Variants in ADGRB3 observed in about 807,000 individuals in gnomAD.
The protein encoded by ADGRB3 is brain-specific angiogenesis inhibitor 3.
A neutral mutation model predicts 193.4 loss-of-function variants in ADGRB3; 37 were observed. The ratio of observed to expected loss-of-function variants is 0.19; its 90% CI spans 0.15 to 0.25. The LOEUF is 0.25. Ranked by LOEUF, ADGRB3 falls within the 10% of genes least tolerant of loss-of-function variation. ADGRB3 has a pLI of 1.00. For synonymous variants in ADGRB3, 690 were observed against 644.2 expected (o/e 1.07, Z -1.08); for missense variants, 1,637 against 1,852.9 (o/e 0.88, Z 2.14).
chr6:69,080,455 A>T (rs1057497896), intron 17 of ADGRB3, among the ~76,000 whole-genome samples: 1 of 152,016 alleles, frequency 6.6e-6, no homozygotes, highest in Admixed American at 6.6e-5. Flanking sequence ...ACAGAAAATA[A>T]TCTTCTTATA....
chr6:68,750,215 A>C (rs751047035), intron 3 of ADGRB3, among the ~76,000 whole-genome samples: 11 of 152,228 alleles, frequency 7.2e-5, no homozygotes, highest in Non-Finnish European at 1.3e-4. Context: ...GTTAGTATTA[A>C]ATCACAAGCT....
At chr6:68,773,650 A>G (rs1347363733) in intron 3 of ADGRB3, among the ~76,000 whole-genome samples, 1 of 152,188 alleles carries the variant, frequency 6.6e-6, no homozygotes, top group African/African-American at 2.4e-5. Context: ...GGTAGTTACA[A>G]ATACTGTGTA....
intron 17 of ADGRB3, among the ~76,000 whole-genome samples, chr6:69,131,023 C>A (rs1217024225): frequency 2.6e-5 from 4 of 151,746 alleles, no homozygotes; most frequent in Non-Finnish European, 5.9e-5. Flanking sequence ...AAGTTAAGAA[C>A]CACTAAAACA....
intron 17 of ADGRB3, among the ~76,000 whole-genome samples, chr6:69,168,622 A>C (rs1775190681): frequency 6.6e-6 from 1 of 152,128 alleles, no homozygotes; most frequent in Non-Finnish European, 1.5e-5. Flanking sequence ...TATGGCTTAT[A>C]GTGGGTATGA....
intron 20 of ADGRB3, among the ~76,000 whole-genome samples, chr6:69,320,981 A>G (rs1401742531): frequency 6.6e-6 from 1 of 151,688 alleles, no homozygotes; most frequent in East Asian, 1.9e-4. Context: ...ACTTTTAAAT[A>G]GACTTCAGAA....
intron 17 of ADGRB3, among the ~76,000 whole-genome samples, chr6:69,175,036 AT>A (rs947999680): frequency 1.4e-4 from 22 of 151,818 alleles, no homozygotes; most frequent in Non-Finnish European, 2.8e-4. Context: ...CTTTGTGAGT[AT>A]TTTTTTTCCA....
At chr6:68,872,172 A>T (rs1765479779) in intron 3 of ADGRB3, among the ~76,000 whole-genome samples, 1 of 152,148 alleles carries the variant, frequency 6.6e-6, no homozygotes, top group African/African-American at 2.4e-5. Flanking sequence ...TTGTACAGGC[A>T]ATGTTTACAG....
chr6:68,995,565 G>A (rs1028394306), intron 11 of ADGRB3, among the ~76,000 whole-genome samples: 1 of 152,146 alleles, frequency 6.6e-6, no homozygotes, highest in African/African-American at 2.4e-5. Context: ...CTTAAATAGA[G>A]CAATTTGGCT....
chr6:69,030,770 G>GCAAAA (rs918119523), intron 13 of ADGRB3, among the ~76,000 whole-genome samples: 1 of 151,982 alleles, frequency 6.6e-6, no homozygotes, highest in South Asian at 2.1e-4. Context: ...GTATAATAAA[G>GCAAAA]CAAAACAAAA....
intron 3 of ADGRB3, among the ~76,000 whole-genome samples, chr6:68,788,616 A>G (rs1211640659): frequency 6.6e-6 from 1 of 152,196 alleles, no homozygotes; most frequent in Non-Finnish European, 1.5e-5. Context: ...GGTGCCGAAA[A>G]GAATGTATAT....
At chr6:68,765,167 A>G (rs2127353070) in intron 3 of ADGRB3, among the ~76,000 whole-genome samples, 1 of 152,092 alleles carries the variant, frequency 6.6e-6, no homozygotes, top group East Asian at 1.9e-4. Flanking sequence ...TTCTTTCTTT[A>G]TTTTTACTAT....
chr6:69,067,591 C>T lies in ADGRB3; in HGVS notation c.2436+4555C>T, dbSNP rs140040924. On this transcript the variant is annotated intron_variant, in intron 16 of 31. Transcript: ENST00000370598. ...CTTTGAAAAGTTCAGTGTGTGCATCCGTAATTTTCACAAAGGGCTGTTTGA... is the reference window on the plus strand; with the variant it reads ...CTTTGAAAAGTTCAGTGTGTGCATCTGTAATTTTCACAAAGGGCTGTTTGA... Among the ~76,000 whole-genome samples the T allele has an allele frequency of 6.0e-3, 906 of 152,182 alleles. 3 individuals carry two copies. The highest frequency in any genetic ancestry group is 9.7e-3 in the Non-Finnish European group (658 of 68,000).
Position 68,956,678 on chromosome 6 carries a change from G to A in ADGRB3, c.1394G>A (p.Ser465Asn). Residue 465 changes from serine to asparagine, a missense_variant, in exon 8 of 32, where the codon AGT (serine) becomes AAT (asparagine). Physicochemically the swap from Ser to Asn is conservative, Grantham distance 46 (BLOSUM62 1). Transcript: ENST00000370598. ...CAATGGAATCAGTGGGGTCATTGGA[G>A]TGGTTGTTCCAAGTCCTGTGATGGC... is the stretch of plus-strand genomic sequence containing the variant. ...NGQWNQWGHW[S>N]GCSKSCDGGW... 3 of 1,614,060 alleles carry A rather than the reference G, an allele frequency of 1.9e-6. No individual in the cohort carries two copies. The highest frequency in any genetic ancestry group is 1.3e-5 in the African/African-American group (1 of 75,014).
chr6:69,204,806 T>A (rs1173739854), intron 17 of ADGRB3, among the ~76,000 whole-genome samples: 1 of 152,180 alleles, frequency 6.6e-6, no homozygotes, highest in East Asian at 1.9e-4. Context: ...TCCAAGACTG[T>A]AAAATTATGC....
chr6:68,853,508 C>T (rs190567573), intron 3 of ADGRB3, among the ~76,000 whole-genome samples: 3 of 152,080 alleles, frequency 2.0e-5, no homozygotes, highest in Admixed American at 6.6e-5. Context: ...AATGTTATTA[C>T]ACAGAGAAGA....
intron 17 of ADGRB3, among the ~76,000 whole-genome samples, chr6:69,083,320 T>A (rs1338708313): frequency 6.6e-6 from 1 of 152,222 alleles, no homozygotes; most frequent in Non-Finnish European, 1.5e-5. Flanking sequence ...TAGAAGTGTG[T>A]CACATTCATT....
intron 17 of ADGRB3, among the ~76,000 whole-genome samples, chr6:69,133,364 GTATT>G (rs1774065682): frequency 6.6e-6 from 1 of 152,052 alleles, no homozygotes; most frequent in Non-Finnish European, 1.5e-5. Context: ...GTATTACTAG[GTATT>G]TTATTTTCTT....
At chr6:69,123,989 A>C (rs993901372) in intron 17 of ADGRB3, among the ~76,000 whole-genome samples, 2 of 152,140 alleles carry the variant, frequency 1.3e-5, no homozygotes, top group Non-Finnish European at 2.9e-5. Context: ...ATTTTCACTT[A>C]ATTAATACCT....
rs374488313 is a variant in ADGRB3, at chr6:69,005,488, G to A, written c.1930-8550G>A. Among the ~76,000 whole-genome samples, 13 of 152,168 alleles carry A rather than the reference G, an allele frequency of 8.5e-5. No individual in the cohort carries two copies. The East Asian group carries it at 1.9e-3, about 23-fold the overall frequency. ...ATGATTCCTGGAACAATGTTCTTACGCAGTTTTCACAATGAGTCAGAGCTA... is the reference window on the plus strand; with the variant it reads ...ATGATTCCTGGAACAATGTTCTTACACAGTTTTCACAATGAGTCAGAGCTA... On this transcript the variant is annotated intron_variant, in intron 11 of 31. Transcript: ENST00000370598.
Sources: gnomAD v4.1 joint callset for allele counts (sites outside exome capture counted in the v4.1 genomes callset) on GRCh38, gnomAD v4.1.1 for gene constraint, MANE v1.5 for transcripts, NCBI Gene and HGNC (gene_info 2026-07-23, HGNC 2026-07-21) for gene names.